SDK1: variants seen among roughly 807,000 people sequenced by gnomAD.
The protein encoded by SDK1 is sidekick cell adhesion molecule 1.
In SDK1, 157 loss-of-function variants were observed where a neutral mutation model predicts 245.5. The observed-to-expected ratio is 0.64, with a 90% confidence interval of 0.56 to 0.73. The LOEUF (loss-of-function observed/expected upper bound fraction) is 0.73, where lower values mean the gene tolerates loss of function less well. SDK1 is among the 30% of genes least tolerant of loss of function. The pLI is 0.00. For synonymous variants in SDK1, 1,647 were observed against 1,278.5 expected, an observed-to-expected ratio of 1.29 and a Z score of -6.15; for missense variants, 3,583 against 3,002.3, an observed-to-expected ratio of 1.19 and a Z score of -4.52.
chr7:3,587,224 G>T (rs1367366088), intron 1 of SDK1, among the ~76,000 whole-genome samples: 1 of 152,078 alleles, frequency 6.6e-6, no homozygotes, highest in African/African-American at 2.4e-5. Context: ...AGAAATTGAG[G>T]GTCAGAGGGG....
chr7:4,062,337 C>T (rs912906953), intron 19 of SDK1, among the ~76,000 whole-genome samples: 2 of 152,024 alleles, frequency 1.3e-5, no homozygotes, highest in African/African-American at 4.8e-5. Context: ...AACAACTATA[C>T]ACTAACAAAT....
At chr7:3,455,159 G>C (rs1233327369) in intron 1 of SDK1, among the ~76,000 whole-genome samples, 4 of 151,400 alleles carry the variant, frequency 2.6e-5, no homozygotes, top group African/African-American at 9.7e-5. Context: ...TTACTGTTGA[G>C]TTTTAAAAAT....
rs528530742 is a variant in SDK1, at chr7:4,196,374, C to T, written c.5099-9505C>T. ...CCTAGCTACAGCCAAAGCCATCTCT[C>T]TCATGTACAGCTTTGACTGTCTCAC... is the stretch of plus-strand genomic sequence containing the variant. On this transcript the variant is annotated intron_variant, in intron 35 of 44. Transcript: ENST00000404826. 2.0e-5 allele frequency among the ~76,000 whole-genome samples: 3 copies of T among 152,248 alleles called. No homozygotes were observed. In the South Asian group the frequency reaches 6.2e-4, roughly 31 times the overall value.
intron 1 of SDK1, among the ~76,000 whole-genome samples, chr7:3,603,116 G>A (rs1583215870): frequency 6.7e-6 from 1 of 150,198 alleles, no homozygotes; most frequent in African/African-American, 2.5e-5. Flanking sequence ...CAGGTAGCGT[G>A]ATGCCTCCAG....
intron 1 of SDK1, among the ~76,000 whole-genome samples, chr7:3,313,282 C>G (rs1034725516): frequency 6.6e-6 from 1 of 152,170 alleles, no homozygotes; most frequent in East Asian, 1.9e-4. Flanking sequence ...TGGCATGCAC[C>G]TGCAGTCCCA....
intron 5 of SDK1, among the ~76,000 whole-genome samples, chr7:3,903,150 T>TTTTG (rs71032912): frequency 3.2e-5 from 2 of 61,658 alleles, no homozygotes; most frequent in African/African-American, 1.7e-4. Flanking sequence ...TTTTGTTTTG[T>TTTTG]TTTTTTTTTT....
intron 18 of SDK1, among the ~76,000 whole-genome samples, chr7:4,050,693 A>T (rs1789384307): frequency 6.6e-6 from 1 of 152,104 alleles, no homozygotes; most frequent in African/African-American, 2.4e-5. Context: ...AACTAGTGTG[A>T]TATAAATTAT....
intron 1 of SDK1, among the ~76,000 whole-genome samples, chr7:3,595,260 C>T (rs971355389): frequency 6.6e-6 from 1 of 151,822 alleles, no homozygotes; most frequent in African/African-American, 2.4e-5. Context: ...CATTTATATA[C>T]TTCTACCCTA....
At chr7:3,511,660 T>C (rs1025835832) in intron 1 of SDK1, among the ~76,000 whole-genome samples, 3 of 152,138 alleles carry the variant, frequency 2.0e-5, no homozygotes, top group African/African-American at 7.2e-5. Flanking sequence ...ATTTACCAAT[T>C]ATTTTAAAAA....
intron 1 of SDK1, among the ~76,000 whole-genome samples, chr7:3,602,908 T>C (rs1324155990): frequency 6.6e-6 from 1 of 152,240 alleles, no homozygotes; most frequent in African/African-American, 2.4e-5. Context: ...CTAGCCAGTT[T>C]TCCCAGCACC....
intron 4 of SDK1, among the ~76,000 whole-genome samples, chr7:3,698,442 T>C (rs552723729): frequency 3.3e-5 from 5 of 152,174 alleles, no homozygotes; most frequent in East Asian, 1.9e-4. Context: ...TGGGGTGATA[T>C]CAGAAGAGGC....
intron 4 of SDK1, among the ~76,000 whole-genome samples, chr7:3,763,319 C>G (rs6976827): frequency 0.12 from 18,171 of 152,106 alleles, 1,187 homozygotes; most frequent in Middle Eastern, 0.25. Flanking sequence ...AAGCATACAA[C>G]TCGATCATTT....
chr7:3,602,979 G>A (rs1266870763), intron 1 of SDK1, among the ~76,000 whole-genome samples: 1 of 152,200 alleles, frequency 6.6e-6, no homozygotes, highest in East Asian at 1.9e-4. Context: ...TCAAAGATCA[G>A]ATAGTTGTAG....
intron 1 of SDK1, among the ~76,000 whole-genome samples, chr7:3,509,310 C>G (rs1346032611): frequency 6.6e-6 from 1 of 152,130 alleles, no homozygotes; most frequent in Non-Finnish European, 1.5e-5. Flanking sequence ...AGGAGCTTCT[C>G]AACCTAATCC....
chr7:3,532,723 A>T (rs1783390301), intron 1 of SDK1, among the ~76,000 whole-genome samples: 1 of 152,160 alleles, frequency 6.6e-6, no homozygotes, highest in Non-Finnish European at 1.5e-5. Flanking sequence ...CCTATGTTGG[A>T]AACTAGAGTC....
chr7:3,884,694 C>G (rs1781295450), intron 5 of SDK1, among the ~76,000 whole-genome samples: 1 of 152,228 alleles, frequency 6.6e-6, no homozygotes, highest in South Asian at 2.1e-4. Context: ...ACCGGCCCCT[C>G]CAGCTCCAGC....
At chr7:3,378,135 G>A (rs1365811147) in intron 1 of SDK1, among the ~76,000 whole-genome samples, 1 of 152,130 alleles carries the variant, frequency 6.6e-6, no homozygotes, top group East Asian at 1.9e-4. Context: ...GTATTTGTTG[G>A]CTCTGAGCTT....
chr7:3,567,133 G>C (rs921683148), intron 1 of SDK1, among the ~76,000 whole-genome samples: 1 of 152,310 alleles, frequency 6.6e-6, no homozygotes, highest in African/African-American at 2.4e-5. Flanking sequence ...TGCCCTTGTC[G>C]TGAAGTATTT....
chr7:4,067,236 C>T (rs1180285720), intron 19 of SDK1, among the ~76,000 whole-genome samples: 1 of 152,236 alleles, frequency 6.6e-6, no homozygotes, highest in Non-Finnish European at 1.5e-5. Flanking sequence ...AACTCTGCGG[C>T]TCTGCCTGCC....
Sources: allele counts gnomAD v4.1 joint callset (sites outside exome capture counted in the v4.1 genomes callset), GRCh38; gene constraint gnomAD v4.1.1; transcripts MANE v1.5; gene names NCBI Gene and HGNC (gene_info 2026-07-23, HGNC 2026-07-21).